The following ADAM18 variants were observed in gnomAD, a reference collection of about 807,000 sequenced individuals.
The protein encoded by ADAM18 is disintegrin and metalloproteinase domain-containing protein 18.
ADAM18 carries 117 observed loss-of-function variants against 94.4 expected under a neutral mutation model. The ratio of observed to expected loss-of-function variants is 1.24; its 90% CI spans 1.07 to 1.45. The LOEUF is 1.45. ADAM18 is among the 40% of genes most tolerant of loss of function. The pLI is 0.00. For synonymous variants in ADAM18, 327 were observed against 291.6 expected (o/e 1.12, Z -1.24); for missense variants, 936 against 880.0 (o/e 1.06, Z -0.81).
intron 18 of ADAM18, among the ~76,000 whole-genome samples, chr8:39,710,911 C>A (rs1435610013): frequency 6.6e-6 from 1 of 152,106 alleles, no homozygotes; most frequent in Non-Finnish European, 1.5e-5. Context: ...AAGATTCATG[C>A]TAGAAAATAT....
intron 12 of ADAM18, among the ~76,000 whole-genome samples, chr8:39,659,253 T>C (rs1280025931): frequency 6.6e-6 from 1 of 152,082 alleles, no homozygotes; most frequent in East Asian, 1.9e-4. Flanking sequence ...TATCTGATAA[T>C]TGATTAGTTG....
chr8:39,725,480 C>T (rs765169962), intron 19 of ADAM18, among the ~76,000 whole-genome samples: 2 of 152,076 alleles, frequency 1.3e-5, no homozygotes, highest in Non-Finnish European at 2.9e-5. Context: ...ACCCTTTAAC[C>T]ACCACCTTCC....
intron 6 of ADAM18, 148 bp from the exon 7 acceptor site, chr8:39,629,226 T>G: frequency 1.7e-6 from 1 of 584,718 alleles, no homozygotes; most frequent in Non-Finnish European, 3.0e-6. Context: ...TGTTTTGAAG[T>G]AAAATTTTCT....
At chr8:39,675,955 A>T (rs549639390) in intron 14 of ADAM18, among the ~76,000 whole-genome samples, 9 of 152,306 alleles carry the variant, frequency 5.9e-5, no homozygotes, top group African/African-American at 2.2e-4. Context: ...TCACCAGTGG[A>T]GGCTGCAGAA....
rs1278449768 is a variant in ADAM18 at position 39,663,811 on chromosome 8, A to T, written c.1247A>T (p.Lys416Met). The change falls in exon 13 of 20, where the codon AAG becomes ATG. Residue 416 changes from lysine to methionine, a missense_variant. By Grantham distance (95) the Lys-to-Met change is moderately conservative (BLOSUM62 -1). Transcript: ENST00000265707. ...CGNKNECQFK[K>M]CCDYNTCKLK... is the part of the protein sequence containing the mutation. Reference sequence around the variant, plus strand: ...AAATTTTAGGAATGTCAATTTAAGAAGTGCTGTGATTATAACACATGTAAA... The same window carrying T: ...AAATTTTAGGAATGTCAATTTAAGATGTGCTGTGATTATAACACATGTAAA... 6.2e-7 allele frequency: 1 copy of T among 1,611,554 alleles called. No homozygotes were observed. The highest frequency in any genetic ancestry group is 2.2e-5 in the East Asian group (1 of 44,758).
intron 6 of ADAM18, among the ~76,000 whole-genome samples, chr8:39,621,935 T>A (rs528711950): frequency 1.3e-5 from 2 of 152,054 alleles, no homozygotes; most frequent in Non-Finnish European, 2.9e-5. Flanking sequence ...GGGTGGAGGA[T>A]GAGAAGAGGA....
intron 2 of ADAM18, among the ~76,000 whole-genome samples, chr8:39,597,988 A>G (rs575995434): frequency 6.6e-6 from 1 of 152,302 alleles, no homozygotes; most frequent in Non-Finnish European, 1.5e-5. Context: ...GATGTTGTAC[A>G]TATTTTGCTA....
chr8:39,685,842 C>T (rs1485252493), intron 16 of ADAM18, among the ~76,000 whole-genome samples: 4 of 152,154 alleles, frequency 2.6e-5, no homozygotes, highest in African/African-American at 9.7e-5. Flanking sequence ...TATTTCATGG[C>T]TCAGAAATCC....
At chr8:39,667,300 G>A (rs1821016451) in intron 13 of ADAM18, among the ~76,000 whole-genome samples, 1 of 151,512 alleles carries the variant, frequency 6.6e-6, no homozygotes, top group African/African-American at 2.4e-5. Flanking sequence ...TACTCGGGAG[G>A]CTGAGGCAGG....
chr8:39,728,268 A>T (rs1429739428), intron 19 of ADAM18, among the ~76,000 whole-genome samples: 1 of 151,542 alleles, frequency 6.6e-6, no homozygotes, highest in East Asian at 1.9e-4. Context: ...ATATATTCAC[A>T]TTTTTTTTTA....
At chr8:39,654,153 CCTTTTTTTTTT>C (rs1463119696) in intron 12 of ADAM18, among the ~76,000 whole-genome samples, 5 of 118,770 alleles carry the variant, frequency 4.2e-5, no homozygotes, top group Admixed American at 3.3e-4. Flanking sequence ...GGATTTCATT[CCTTTTTTTTTT>C]TTTTTTTTTT....
intron 12 of ADAM18, among the ~76,000 whole-genome samples, chr8:39,654,568 G>A (rs898612537): frequency 3.3e-5 from 5 of 152,056 alleles, no homozygotes; most frequent in African/African-American, 1.2e-4. Flanking sequence ...TCCAGCAGTG[G>A]GATTGCTGGA....
At chr8:39,606,281 A>G (rs188841765) in intron 2 of ADAM18, 26 bp from the exon 3 acceptor site, 19 of 1,362,404 alleles carry the variant, frequency 1.4e-5, no homozygotes, top group African/African-American at 1.0e-4. Flanking sequence ...TTCCTTCACA[A>G]TCTTTACTGA....
intron 17 of ADAM18, among the ~76,000 whole-genome samples, chr8:39,705,916 T>G (rs751853854): frequency 9.2e-5 from 14 of 152,100 alleles, no homozygotes; most frequent in Non-Finnish European, 1.9e-4. Context: ...TGGATATTAT[T>G]TGGTAAAAAT....
At chr8:39,689,115 C>T (rs1336033366) in intron 16 of ADAM18, among the ~76,000 whole-genome samples, 1 of 151,396 alleles carries the variant, frequency 6.6e-6, no homozygotes, top group East Asian at 1.9e-4. Flanking sequence ...ATACTTTTGT[C>T]ATATACATAG....
chr8:39,670,199 T>C (rs1278122955), intron 14 of ADAM18, among the ~76,000 whole-genome samples: 1 of 152,222 alleles, frequency 6.6e-6, no homozygotes, highest in Non-Finnish European at 1.5e-5. Flanking sequence ...GAGTTCATTG[T>C]AGATTCTGGA....
chr8:39,597,439 T>C (rs1405602095), intron 2 of ADAM18, among the ~76,000 whole-genome samples: 1 of 152,192 alleles, frequency 6.6e-6, no homozygotes, highest in Non-Finnish European at 1.5e-5. Context: ...TAATTTTAAG[T>C]CAATTTTGGT....
At chr8:39,610,818 G>A (rs1157000844) in intron 6 of ADAM18, 112 bp downstream of exon 6, 17 of 1,326,052 alleles carry the variant, frequency 1.3e-5, no homozygotes, top group Admixed American at 3.6e-5. Flanking sequence ...TAAATTTTAT[G>A]TATTTTTCTA....
intron 17 of ADAM18, among the ~76,000 whole-genome samples, chr8:39,696,196 G>A (rs1052015132): frequency 6.6e-6 from 1 of 151,306 alleles, no homozygotes; most frequent in East Asian, 1.9e-4. Flanking sequence ...ACCTTTAGAT[G>A]ATTTTCTATT....
Sources: gnomAD v4.1 joint callset for allele counts (sites outside exome capture counted in the v4.1 genomes callset) on GRCh38, gnomAD v4.1.1 for gene constraint, MANE v1.5 for transcripts, NCBI Gene and HGNC (gene_info 2026-07-23, HGNC 2026-07-21) for gene names.